Variants in DNAH10 observed in about 807,000 individuals in gnomAD.
The protein encoded by DNAH10 is axonemal beta dynein heavy chain 10.
Under a neutral mutation model 506.6 loss-of-function variants are expected in DNAH10, and 348 were observed. That is an observed-to-expected ratio of 0.69 (90% CI 0.63 to 0.75). The LOEUF (loss-of-function observed/expected upper bound fraction) is 0.75, where lower values mean the gene tolerates loss of function less well. Ranked by LOEUF, DNAH10 falls within the 30% of genes least tolerant of loss-of-function variation. DNAH10 has a pLI of 0.00. For synonymous variants in DNAH10, 2,059 were observed against 2,198.6 expected, an observed-to-expected ratio of 0.94 and a Z score of 1.78; for missense variants, 5,179 against 5,787.1, an observed-to-expected ratio of 0.89 and a Z score of 3.41.
intron 30 of DNAH10, among the ~76,000 whole-genome samples, chr12:123,842,819 A>C (rs1457367576): frequency 6.6e-6 from 1 of 152,246 alleles, no homozygotes; most frequent in Non-Finnish European, 1.5e-5. Context: ...TGGTTTAACA[A>C]CCAGCTTGCA....
At chr12:123,781,515 G>T (rs1957649727) in intron 6 of DNAH10, among the ~76,000 whole-genome samples, 1 of 152,074 alleles carries the variant, frequency 6.6e-6, no homozygotes, top group Non-Finnish European at 1.5e-5. Context: ...GCCCAGGCTG[G>T]AGTGCAGTGG....
rs376770307 is a variant in DNAH10 at position 123,826,749 on chromosome 12, A to G, written c.4242A>G (p.Glu1414=). 92 of 1,613,810 alleles carry G rather than the reference A, an allele frequency of 5.7e-5. No homozygotes were observed. In the South Asian group the frequency reaches 7.2e-4, roughly 13 times the overall value. ...ACCTGAATGTGCAGATTCTCCAGGA[A>G]GGAATTGAAGGTTTTCTCAGGGCTC... is the stretch of plus-strand genomic sequence containing the variant. ...WINLNVQILQ[E]GIEGFLRALR... Residue 1414 remains glutamate, a synonymous_variant, in exon 25 of 79, where the codon GAA becomes GAG. Coordinates refer to ENST00000673944, the MANE Select transcript of DNAH10 (RefSeq NM_001372106.1).
chr12:123,859,028 C>T (rs1951508798), intron 37 of DNAH10, 122 bp from the exon 38 acceptor site: 2 of 915,978 alleles, frequency 2.2e-6, no homozygotes, highest in Non-Finnish European at 3.3e-6. Context: ...TGTGAATATA[C>T]TGGAAACCAT....
In DNAH10 at chr12:123,804,968, C is replaced by A; in HGVS notation, c.2915C>A (p.Ala972Asp). 6.2e-7 allele frequency: 1 copy of A among 1,614,178 alleles called. No homozygotes were observed. The highest frequency in any genetic ancestry group is 8.5e-7 in the Non-Finnish European group (1 of 1,180,044). ...GLVVHTNTGK[A>D]PKLASYYKYW... Reference sequence around the variant, plus strand: ...GTCGTCCACACCAACACAGGCAAGGCCCCCAAGCTGGCCTCCTACTACAAA... The same window carrying A: ...GTCGTCCACACCAACACAGGCAAGGACCCCAAGCTGGCCTCCTACTACAAA... The change falls in exon 18 of 79, where the codon GCC becomes GAC. Residue 972 changes from alanine to aspartate, a missense_variant. Coordinates refer to ENST00000673944, the MANE Select transcript of DNAH10 (RefSeq NM_001372106.1).
chr12:123,928,867 C>T lies in DNAH10; in HGVS notation c.12306+280C>T, dbSNP rs34181187. Reference sequence around the variant, plus strand: ...TCATAAACTTCACGGCCCCCCCCCCCACACACAGCCTGCAGTTCGCTAGTG... The same window carrying T: ...TCATAAACTTCACGGCCCCCCCCCCTACACACAGCCTGCAGTTCGCTAGTG... On this transcript the variant is annotated intron_variant, in intron 70 of 78. Coordinates refer to ENST00000673944, the MANE Select transcript of DNAH10 (RefSeq NM_001372106.1). This position sits in a 1 kb window ranked among gnomAD's most constrained non-coding sequence, Gnocchi z 4.9. 2 of 402,780 alleles carry T rather than the reference C, an allele frequency of 5.0e-6. No individual in the cohort carries two copies. The highest frequency in any genetic ancestry group is 8.7e-6 in the Non-Finnish European group (2 of 230,930). 25.0% of individuals were successfully genotyped at this position (402,780 alleles called of 1,614,324 possible). A position where few individuals can be genotyped will look rare whatever the true frequency, so the allele number is the denominator to read the frequency against.
chr12:123,774,425 C>T (rs749539659), intron 5 of DNAH10, among the ~76,000 whole-genome samples, 161 bp downstream of exon 5: 2 of 152,056 alleles, frequency 1.3e-5, no homozygotes, highest in East Asian at 1.9e-4. Flanking sequence ...AACCCAGCGG[C>T]GCTAGAGAAA....
intron 51 of DNAH10, 21 bp from the exon 52 acceptor site, chr12:123,887,121 T>C: frequency 6.3e-7 from 1 of 1,587,310 alleles, no homozygotes. Flanking sequence ...GACGCCCATG[T>C]GCTCTGTGTC....
chr12:123,879,208 G>A (rs1952390544), intron 48 of DNAH10, 56 bp from the exon 49 acceptor site: 1 of 1,465,420 alleles, frequency 6.8e-7, no homozygotes, highest in Admixed American at 2.0e-5. Flanking sequence ...ACAGCCGTCA[G>A]CCCTGGTATC....
chr12:123,796,830 G>C lies in DNAH10; in HGVS notation c.2161G>C (p.Glu721Gln). Residue 721 changes from glutamate to glutamine, a missense_variant and splice_region_variant, in exon 13 of 79, where the codon GAG (glutamate) becomes CAG (glutamine). Physicochemically the swap from Glu to Gln is conservative, Grantham distance 29. Around this residue, in one of 3 missense-constraint regions of DNAH10, gnomAD observed 4,844 missense variants for 5,430.5 expected, o/e 0.89. Transcript: ENST00000673944. ...GATACTGGACAGTGATCGAGGACAG[G>C]AGGTATGTTGCTCTTGCTAGAATTG... is the stretch of plus-strand genomic sequence containing the variant. ...QEILDSDRGQEVKQKYLEVGR... is the reference protein window; with the variant it reads ...QEILDSDRGQQVKQKYLEVGR... 1 of 1,598,960 alleles carries C rather than the reference G, an allele frequency of 6.3e-7. No homozygotes were observed. The highest frequency in any genetic ancestry group is 8.5e-7 in the Non-Finnish European group (1 of 1,174,782).
intron 39 of DNAH10, among the ~76,000 whole-genome samples, chr12:123,862,187 C>T (rs1379282439): frequency 6.6e-6 from 1 of 152,082 alleles, no homozygotes; most frequent in African/African-American, 2.4e-5. Context: ...GGTTAAGGTG[C>T]CATTTTCCTC....
At chr12:123,924,871 T>A (rs539590536) in intron 67 of DNAH10, among the ~76,000 whole-genome samples, 179 bp from the exon 68 acceptor site, 1 of 152,330 alleles carries the variant, frequency 6.6e-6, no homozygotes, top group African/African-American at 2.4e-5. Flanking sequence ...ACTCAGTTGC[T>A]CCTTTCTCAA....
intron 26 of DNAH10, among the ~76,000 whole-genome samples, chr12:123,832,016 C>CAG: frequency 6.6e-6 from 1 of 152,212 alleles, no homozygotes; most frequent in East Asian, 1.9e-4. Context: ...CAGTACATGA[C>CAG]TGTACATAGT....
chr12:123,783,407 C>G, intron 7 of DNAH10, 143 bp downstream of exon 7: 1 of 935,360 alleles, frequency 1.1e-6, no homozygotes, highest in East Asian at 2.6e-5. Flanking sequence ...ATAAACACAC[C>G]CAAAATATCA....
intron 38 of DNAH10, 66 bp from the exon 39 acceptor site, chr12:123,860,946 A>G (rs974645780): frequency 1.9e-6 from 3 of 1,608,528 alleles, no homozygotes; most frequent in Middle Eastern, 1.9e-4. Context: ...TCATAGAGGG[A>G]ACCCAGACTG....
chr12:123,894,652 A>G lies in DNAH10; in HGVS notation c.9209A>G (p.Asn3070Ser). 1 of 1,613,970 alleles carries G rather than the reference A, an allele frequency of 6.2e-7. No individual in the cohort carries two copies. The highest frequency in any genetic ancestry group is 1.3e-5 in the African/African-American group (1 of 75,044). The change falls in exon 54 of 79, where the codon AAT becomes AGT. Residue 3070 changes from asparagine to serine, a missense_variant. Transcript: ENST00000673944. ...TWCRNFPGMV[N>S]NTGIDWFMPW... The stretch of plus-strand genomic sequence containing the variant: ...TCTCTTTCCTTTCAAGGTATGGTAA[A>G]TAACACTGGTATTGACTGGTTCATG...
chr12:123,768,002 C>T (rs1332032211), intron 2 of DNAH10, among the ~76,000 whole-genome samples: 4 of 152,188 alleles, frequency 2.6e-5, no homozygotes, highest in African/African-American at 9.7e-5. Flanking sequence ...TCCTAGCCTC[C>T]TCACTGCAGT....
chr12:123,864,534 C>T (rs1294763155), intron 39 of DNAH10, 61 bp from the exon 40 acceptor site: 3 of 1,576,848 alleles, frequency 1.9e-6, no homozygotes, highest in Non-Finnish European at 2.6e-6. Context: ...GCAGGTTATA[C>T]CAAGTTCCAT....
chr12:123,797,827 C>T (rs1958337972), intron 13 of DNAH10, among the ~76,000 whole-genome samples: 1 of 152,216 alleles, frequency 6.6e-6, no homozygotes, highest in Non-Finnish European at 1.5e-5. Flanking sequence ...ATCTCACCCC[C>T]CACCCATGGA....
rs1047534011 is a variant in DNAH10 at position 123,785,073 on chromosome 12, T to C, written c.1231-673T>C. On this transcript the variant is annotated intron_variant, in intron 8 of 78. Coordinates refer to ENST00000673944, the MANE Select transcript of DNAH10 (RefSeq NM_001372106.1). The surrounding 1 kb of genome is among the most constrained non-coding windows in gnomAD (Gnocchi z 4.1). ...TCTTGTACAAGGATTTGTGTGGATG[T>C]GTGTTTTTAATTATTCATGTATTAT... 3.9e-5 allele frequency among the ~76,000 whole-genome samples: 6 copies of C among 152,234 alleles called. No individual in the cohort carries two copies. Among genetic ancestry groups the C allele is most frequent in the African/African-American group, 1.4e-4 (6 of 41,462 alleles).
Sources: allele counts gnomAD v4.1 joint callset (sites outside exome capture counted in the v4.1 genomes callset), GRCh38; gene constraint gnomAD v4.1.1; regional missense constraint gnomAD v4.1.1; non-coding constraint Gnocchi (gnomAD v3.1); transcripts MANE v1.5; gene names NCBI Gene and HGNC (gene_info 2026-07-23, HGNC 2026-07-21).